The following ZEB1 variants were observed in gnomAD, a reference collection of about 807,000 sequenced individuals.
ZEB1 encodes zinc finger E-box-binding homeobox 1.
Under a neutral mutation model 84.9 loss-of-function variants are expected in ZEB1, and 21 were observed. The observed-to-expected ratio is 0.25, with a 90% CI of 0.18 to 0.36. ZEB1 has a LOEUF of 0.36. ZEB1 is among the 10% of genes least tolerant of loss of function. The probability of loss-of-function intolerance (pLI) is 1.00; values close to 1 mark genes in which losing one functional copy is unlikely to be tolerated. For missense variants in ZEB1, 1,104 were observed against 1,330.2 expected (o/e 0.83, Z 2.65); for synonymous variants, 420 against 471.1 (o/e 0.89, Z 1.41).
chr10:31,448,684 A>G (rs976823481), intron 1 of ZEB1, among the ~76,000 whole-genome samples: 238 of 152,184 alleles, frequency 1.6e-3, no homozygotes, highest in African/African-American at 4.4e-3. Flanking sequence ...GTGAGGTGTC[A>G]GTGTGCCCCT....
intron 1 of ZEB1, among the ~76,000 whole-genome samples, chr10:31,330,840 TTC>T (rs1427465725): frequency 6.6e-6 from 1 of 151,742 alleles, no homozygotes; most frequent in East Asian, 1.9e-4. Flanking sequence ...TTTTTAACTT[TTC>T]TGTTTTATTT....
At chr10:31,345,693 A>G (rs2040182133) in intron 1 of ZEB1, among the ~76,000 whole-genome samples, 1 of 152,156 alleles carries the variant, frequency 6.6e-6, no homozygotes, top group Non-Finnish European at 1.5e-5. Context: ...GGCCATTAGC[A>G]GAAACAGCCT....
chr10:31,443,577 A>C (rs1273942152), intron 1 of ZEB1, among the ~76,000 whole-genome samples: 75 of 96,472 alleles, frequency 7.8e-4, no homozygotes, highest in African/African-American at 2.7e-3. Context: ...CCCACCCCAC[A>C]ACAGTCCCCA....
intron 1 of ZEB1, among the ~76,000 whole-genome samples, chr10:31,379,227 T>C (rs1264099106): frequency 6.6e-6 from 1 of 152,054 alleles, no homozygotes; most frequent in Non-Finnish European, 1.5e-5. Flanking sequence ...GAAGGCAGCA[T>C]GCTTTTGTTG....
intron 1 of ZEB1, among the ~76,000 whole-genome samples, chr10:31,341,154 A>G (rs887117834): frequency 6.6e-6 from 1 of 151,976 alleles, no homozygotes; most frequent in Non-Finnish European, 1.5e-5. Flanking sequence ...TGAGTAGAGT[A>G]CTCTGATAGC....
intron 2 of ZEB1, among the ~76,000 whole-genome samples, chr10:31,486,558 C>CT (rs2065789675): frequency 6.8e-6 from 1 of 147,190 alleles, no homozygotes; most frequent in Admixed American, 6.8e-5. Context: ...ATTTTCTTTT[C>CT]TTTTTTTTCT....
At chr10:31,338,779 C>A (rs1252355275) in intron 1 of ZEB1, among the ~76,000 whole-genome samples, 5 of 152,050 alleles carry the variant, frequency 3.3e-5, no homozygotes, top group Admixed American at 6.5e-5. Flanking sequence ...CCGTAATGCA[C>A]AAATGGTGAT....
intron 1 of ZEB1, among the ~76,000 whole-genome samples, chr10:31,460,037 C>G (rs1213941586): frequency 6.6e-6 from 1 of 151,936 alleles, no homozygotes; most frequent in Non-Finnish European, 1.5e-5. Flanking sequence ...TCTTCCGAAT[C>G]TTTTCTTAGC....
At chr10:31,525,141 T>C (rs1444121226) in intron 8 of ZEB1, among the ~76,000 whole-genome samples, 3 of 152,220 alleles carry the variant, frequency 2.0e-5, no homozygotes, top group Non-Finnish European at 4.4e-5. Context: ...GTAAATAAAA[T>C]TAGTTGGAAG....
intron 1 of ZEB1, among the ~76,000 whole-genome samples, chr10:31,444,133 T>C (rs939409245): frequency 6.6e-6 from 1 of 150,924 alleles, no homozygotes; most frequent in Non-Finnish European, 1.5e-5. Flanking sequence ...TATCTCATAG[T>C]GGTTTTGATT....
intron 2 of ZEB1, among the ~76,000 whole-genome samples, chr10:31,473,523 A>G (rs1242662334): frequency 6.6e-6 from 1 of 152,030 alleles, no homozygotes; most frequent in Non-Finnish European, 1.5e-5. Flanking sequence ...GACCTCTTCA[A>G]GGAGAACTAC....
intron 1 of ZEB1, chr10:31,319,816 C>CGCCGCG (rs1333082608): frequency 6.7e-6 from 1 of 149,804 alleles, no homozygotes; most frequent in Non-Finnish European, 1.5e-5. Flanking sequence ...GGCTTCCGCG[C>CGCCGCG]GCCGCGGCCC....
At chr10:31,356,407 T>G (rs1485518620) in intron 1 of ZEB1, among the ~76,000 whole-genome samples, 1 of 152,108 alleles carries the variant, frequency 6.6e-6, no homozygotes, top group African/African-American at 2.4e-5. Flanking sequence ...TATTAATGAA[T>G]ATCAGATTTG....
At chr10:31,518,184 T>C (rs1172277397) in intron 6 of ZEB1, among the ~76,000 whole-genome samples, 4 of 152,178 alleles carry the variant, frequency 2.6e-5, no homozygotes, top group African/African-American at 7.2e-5. Flanking sequence ...TGGAAACTTT[T>C]GTCTGTTGTA....
intron 1 of ZEB1, among the ~76,000 whole-genome samples, chr10:31,424,007 T>C (rs2056582427): frequency 6.6e-6 from 1 of 152,038 alleles, no homozygotes; most frequent in Non-Finnish European, 1.5e-5. Context: ...TATTTGCTTT[T>C]GTTTTTTTGT....
chr10:31,327,356 C>G (rs2035784306), intron 1 of ZEB1, among the ~76,000 whole-genome samples: 1 of 152,132 alleles, frequency 6.6e-6, no homozygotes, highest in South Asian at 2.1e-4. Context: ...GCTGATCCAC[C>G]TGCCTCAGCC....
At chr10:31,376,589 T>G (rs1450738615) in intron 1 of ZEB1, among the ~76,000 whole-genome samples, 1 of 151,704 alleles carries the variant, frequency 6.6e-6, no homozygotes, top group African/African-American at 2.4e-5. Flanking sequence ...AGTTAAGAAG[T>G]TGGGCTCCAG....
chr10:31,480,861 C>T (rs1387849390), intron 2 of ZEB1, among the ~76,000 whole-genome samples: 3 of 152,018 alleles, frequency 2.0e-5, no homozygotes, highest in African/African-American at 7.2e-5. Flanking sequence ...TTTTCCATAC[C>T]TCATTCATAA....
chr10:31,525,682 G>T (rs1042035336), intron 8 of ZEB1, among the ~76,000 whole-genome samples: 1 of 151,998 alleles, frequency 6.6e-6, no homozygotes, highest in Non-Finnish European at 1.5e-5. Flanking sequence ...TTTTACTCTT[G>T]TGAGAAAAGA....
Sources: allele counts gnomAD v4.1 joint callset (sites outside exome capture counted in the v4.1 genomes callset), GRCh38; gene constraint gnomAD v4.1.1; transcripts MANE v1.5; gene names NCBI Gene and HGNC (gene_info 2026-07-23, HGNC 2026-07-21).